Variants in HDAC4 observed in about 807,000 individuals in gnomAD.
The protein encoded by HDAC4 is histone deacetylase 4.
A neutral mutation model predicts 135.1 loss-of-function variants in HDAC4; 16 were observed. The ratio of observed to expected loss-of-function variants is 0.12; its 90% CI spans 0.08 to 0.18. HDAC4 has a LOEUF of 0.18. Among genes scored for constraint, HDAC4 ranks in the 10% least tolerant of loss-of-function variants. The pLI is 1.00. For missense variants in HDAC4, 1,143 were observed against 1,511.8 expected (o/e 0.76, Z 4.05); for synonymous variants, 685 against 653.4 (o/e 1.05, Z -0.74).
At chr2:239,124,540 G>A (rs965915486) in intron 12 of HDAC4, among the ~76,000 whole-genome samples, 5 of 150,746 alleles carry the variant, frequency 3.3e-5, no homozygotes, top group Non-Finnish European at 5.9e-5. Context: ...GCGTGTGGCC[G>A]TGCGTCATTC....
At chr2:239,196,211 A>G (rs947103360) in intron 3 of HDAC4, among the ~76,000 whole-genome samples, 4 of 152,194 alleles carry the variant, frequency 2.6e-5, no homozygotes, top group African/African-American at 9.7e-5. Context: ...TCAGAAATGC[A>G]TGACTTAGCT....
chr2:239,194,503 G>C (rs1409586124), intron 3 of HDAC4, among the ~76,000 whole-genome samples: 3 of 152,158 alleles, frequency 2.0e-5, no homozygotes, highest in Non-Finnish European at 2.9e-5. Flanking sequence ...AACCTCCTGT[G>C]CGTGCATCAC....
At position 239,050,088 on chromosome 2, in the gene HDAC4, T is replaced by C. The variant is rs1436467721; in HGVS notation, c.*3009A>G. On this transcript the variant is annotated 3_prime_UTR_variant, in exon 27 of 27. Coordinates refer to ENST00000543185, the MANE Select transcript of HDAC4 (RefSeq NM_001378414.1). ...ATCCTCTGCCATCTGCCCTGGACGC[T>C]TGCTGTGGAGAAGAGCCGAGTGTGT... 2.0e-5 allele frequency: 3 copies of C among 152,632 alleles called. No homozygotes were observed. Among genetic ancestry groups the C allele is most frequent in the African/African-American group, 7.2e-5 (3 of 41,468 alleles). The allele number at this position is 152,632 out of a possible 1,614,324, so 9.5% of individuals were successfully genotyped here. A position where few individuals can be genotyped will look rare whatever the true frequency, so the allele number is the denominator to read the frequency against.
intron 4 of HDAC4, among the ~76,000 whole-genome samples, chr2:239,188,353 T>C (rs3828223): frequency 0.085 from 12,988 of 152,240 alleles, 628 homozygotes; most frequent in East Asian, 0.15. Context: ...GTGTCTTACA[T>C]ATAAAGGAAG....
intron 17 of HDAC4, 124 bp downstream of exon 17, chr2:239,094,886 C>A (rs1389317481): frequency 2.5e-6 from 4 of 1,594,774 alleles, no homozygotes; most frequent in Non-Finnish European, 3.4e-6. Context: ...ACATGGGCAG[C>A]CCCTGCGTAT....
intron 14 of HDAC4, among the ~76,000 whole-genome samples, chr2:239,110,707 C>A (rs944547012): frequency 2.0e-5 from 3 of 152,206 alleles, no homozygotes; most frequent in African/African-American, 7.2e-5. Context: ...TTTCTTAGTG[C>A]GTCATTAACA....
At chr2:239,365,408 A>T (rs1011561438) in intron 1 of HDAC4, among the ~76,000 whole-genome samples, 1 of 152,272 alleles carries the variant, frequency 6.6e-6, no homozygotes, top group Non-Finnish European at 1.5e-5. Context: ...GCTTATGCTG[A>T]ACAAGGCCAA....
Position 239,221,421 on chromosome 2 carries a change from T to C in HDAC4, c.94+15172A>G, listed in dbSNP as rs528141445. ...TGGTTACCCCACAGGGACTACTGAA[T>C]TGCAAAGCAAAACAAAAAAGACAGG... On this transcript the variant is annotated intron_variant, in intron 3 of 26. Transcript: ENST00000543185. Among the ~76,000 whole-genome samples the C allele has an allele frequency of 4.1e-4, 63 of 152,218 alleles. 1 individual carries two copies. The highest frequency in any genetic ancestry group is 9.8e-4 in the Admixed American group (15 of 15,296).
At chr2:239,264,555 G>A (rs578024421) in intron 2 of HDAC4, among the ~76,000 whole-genome samples, 2 of 152,366 alleles carry the variant, frequency 1.3e-5, no homozygotes, top group East Asian at 3.9e-4. Flanking sequence ...TGGCTTGGGT[G>A]AGCCGAGGCC....
intron 1 of HDAC4, among the ~76,000 whole-genome samples, chr2:239,391,409 T>C (rs908257): frequency 0.83 from 125,715 of 152,174 alleles, 52,208 homozygotes; most frequent in East Asian, 0.94. Flanking sequence ...GTGCAGGAGC[T>C]TCAGAAAGTC....
chr2:239,213,128 C>T (rs1485364627), intron 3 of HDAC4, among the ~76,000 whole-genome samples: 1 of 152,010 alleles, frequency 6.6e-6, no homozygotes, highest in Non-Finnish European at 1.5e-5. Context: ...AGAGCTGTCC[C>T]CAGAATATGA....
chr2:239,214,394 C>A (rs2046509216), intron 3 of HDAC4, among the ~76,000 whole-genome samples: 1 of 152,250 alleles, frequency 6.6e-6, no homozygotes. Flanking sequence ...TCCAGGACAA[C>A]CTCCTCATCT....
chr2:239,129,457 G>A (rs1444700322), intron 11 of HDAC4, among the ~76,000 whole-genome samples: 3 of 152,324 alleles, frequency 2.0e-5, no homozygotes, highest in Non-Finnish European at 4.4e-5. Flanking sequence ...CGGGGTGTGG[G>A]GCAGAGCCTG....
At position 239,062,359 on chromosome 2, in the gene HDAC4, G is replaced by A. The variant is rs145351746; in HGVS notation, c.3003+4363C>T. On this transcript the variant is annotated intron_variant, in intron 24 of 26. Coordinates refer to ENST00000543185, the MANE Select transcript of HDAC4 (RefSeq NM_001378414.1). ...CGTCACAGCTGGCGGCCCCGCCTGTGTGTGCCAGATCGCCTGGCACACTGT... is the reference window on the plus strand; with the variant it reads ...CGTCACAGCTGGCGGCCCCGCCTGTATGTGCCAGATCGCCTGGCACACTGT... Among the ~76,000 whole-genome samples, 514 of 152,376 alleles carry A rather than the reference G, an allele frequency of 3.4e-3. 8 individuals carry two copies. Among genetic ancestry groups the A allele is most frequent in the Middle Eastern group, 0.031 (9 of 294 alleles).
At position 239,095,075 on chromosome 2, in the gene HDAC4, C is replaced by T. The variant is rs2279273; in HGVS notation, c.2234-19G>A. ...AGCGAGCCTGTGGGGGGGAGGGAGA[C>T]GGTCAGAGAGGCCAAGGGCACGCGG... On this transcript the variant is annotated intron_variant, in intron 16 of 26. Transcript: ENST00000543185. 212,379 of 1,613,428 alleles carry T rather than the reference C, an allele frequency of 0.13. 16,361 individuals carry two copies. Among genetic ancestry groups the T allele is most frequent in the East Asian group, 0.3 (13,458 of 44,848 alleles).
intron 1 of HDAC4, among the ~76,000 whole-genome samples, chr2:239,374,831 C>T (rs1344310358): frequency 2.0e-5 from 3 of 152,182 alleles, no homozygotes; most frequent in South Asian, 2.1e-4. Flanking sequence ...TAAACCTGGA[C>T]GAGAGCCAAG....
chr2:239,313,079 G>A lies in HDAC4; in HGVS notation c.22+39599C>T, dbSNP rs2052962013. 6.6e-6 allele frequency among the ~76,000 whole-genome samples: 1 copy of A among 152,160 alleles called. No homozygotes were observed. The highest frequency in any genetic ancestry group is 2.4e-5 in the African/African-American group (1 of 41,426). On this transcript the variant is annotated intron_variant, in intron 2 of 26. Coordinates refer to ENST00000543185, the MANE Select transcript of HDAC4 (RefSeq NM_001378414.1). The surrounding 1 kb of genome is among the most constrained non-coding windows in gnomAD (Gnocchi z 5.1). Reference sequence around the variant, plus strand: ...GGCAGGGTGTTCCCCCAGCCAGGGAGCTTCACTCAGGCTTGGGCTCTGTCC... The same window carrying A: ...GGCAGGGTGTTCCCCCAGCCAGGGAACTTCACTCAGGCTTGGGCTCTGTCC...
chr2:239,216,379 T>C (rs1271983265), intron 3 of HDAC4, among the ~76,000 whole-genome samples: 1 of 151,486 alleles, frequency 6.6e-6, no homozygotes, highest in Non-Finnish European at 1.5e-5. Flanking sequence ...TGTTCTCATG[T>C]TCTGACCTTA....
chr2:239,305,368 C>T (rs774830166), intron 2 of HDAC4: 2 of 152,650 alleles, frequency 1.3e-5, no homozygotes, highest in Non-Finnish European at 2.9e-5. Flanking sequence ...ATTCCTTACT[C>T]CGCTGGCCTG....
Sources: allele counts gnomAD v4.1 joint callset (sites outside exome capture counted in the v4.1 genomes callset), GRCh38; gene constraint gnomAD v4.1.1; non-coding constraint Gnocchi (gnomAD v3.1); transcripts MANE v1.5; gene names NCBI Gene and HGNC (gene_info 2026-07-23, HGNC 2026-07-21).